The following CAMKMT variants were observed in gnomAD, a reference collection of about 807,000 sequenced individuals.
CAMKMT encodes CaM KMT.
Under a neutral mutation model 48.0 loss-of-function variants are expected in CAMKMT, and 53 were observed. The observed-to-expected ratio is 1.10, with a 90% CI of 0.89 to 1.39. The LOEUF (loss-of-function observed/expected upper bound fraction) is 1.39, where lower values mean the gene tolerates loss of function less well. CAMKMT is among the 40% of genes most tolerant of loss of function. The probability of loss-of-function intolerance (pLI) is 0.00; values close to 1 mark genes in which losing one functional copy is unlikely to be tolerated. For missense variants in CAMKMT, 428 were observed against 402.7 expected (o/e 1.06, Z -0.54); for synonymous variants, 165 against 152.3 (o/e 1.08, Z -0.61).
At chr2:44,369,516 A>G (rs77385685) in intron 1 of CAMKMT, among the ~76,000 whole-genome samples, 2,157 of 152,280 alleles carry the variant, frequency 0.014, 19 homozygotes, top group Non-Finnish European at 0.024. Flanking sequence ...GAAACAGTCT[A>G]AGAGTGAATC....
Position 44,609,103 on chromosome 2 carries a change from A to G in CAMKMT, c.377-95180A>G, listed in dbSNP as rs77617800. Reference sequence around the variant, plus strand: ...CCACTTGTTCCTAGACCTCAAAGAGAGATTAATTGAAAGACATATACTGTA... The same window carrying G: ...CCACTTGTTCCTAGACCTCAAAGAGGGATTAATTGAAAGACATATACTGTA... On this transcript the variant is annotated intron_variant, in intron 3 of 10. Transcript: ENST00000378494. 4.5e-4 allele frequency among the ~76,000 whole-genome samples: 69 copies of G among 152,316 alleles called. No homozygotes were observed. In the East Asian group the frequency reaches 0.011, roughly 23 times the overall value.
At chr2:44,473,778 G>A (rs912644939) in intron 3 of CAMKMT, among the ~76,000 whole-genome samples, 3 of 152,168 alleles carry the variant, frequency 2.0e-5, no homozygotes, top group Non-Finnish European at 2.9e-5. Flanking sequence ...CAGTTTATGC[G>A]GTGAGAATTC....
At chr2:44,632,575 T>C (rs541766269) in intron 3 of CAMKMT, among the ~76,000 whole-genome samples, 1 of 152,258 alleles carries the variant, frequency 6.6e-6, no homozygotes, top group South Asian at 2.1e-4. Flanking sequence ...CTAACAAAAA[T>C]CCCTAATACA....
At chr2:44,761,191 TGAG>T (rs1680601954) in intron 9 of CAMKMT, among the ~76,000 whole-genome samples, 1 of 152,122 alleles carries the variant, frequency 6.6e-6, no homozygotes. Context: ...ACCTGGGTGC[TGAG>T]GGATGAGTAA....
At chr2:44,412,930 G>T (rs1683307985) in intron 3 of CAMKMT, among the ~76,000 whole-genome samples, 2 of 151,608 alleles carry the variant, frequency 1.3e-5, no homozygotes, top group African/African-American at 4.8e-5. Context: ...ACAAAAATTA[G>T]CCAGGTGTGG....
chr2:44,523,292 CT>C (rs869152391), intron 3 of CAMKMT, among the ~76,000 whole-genome samples: 901 of 131,220 alleles, frequency 6.9e-3, no homozygotes, highest in African/African-American at 0.016. Context: ...AGGGGACCCA[CT>C]TTTTTTTTTT....
chr2:44,509,774 T>C (rs1670445058), intron 3 of CAMKMT, among the ~76,000 whole-genome samples: 1 of 152,106 alleles, frequency 6.6e-6, no homozygotes, highest in South Asian at 2.1e-4. Context: ...ATTGGTACCA[T>C]GAGAGCAAGT....
chr2:44,664,913 T>C (rs1674876433), intron 3 of CAMKMT, among the ~76,000 whole-genome samples: 1 of 152,344 alleles, frequency 6.6e-6, no homozygotes, highest in Middle Eastern at 3.4e-3. Context: ...TCACAGTGAT[T>C]CTCAGCTCTG....
In CAMKMT at chr2:44,630,058, A is replaced by G. The variant is rs551653517; in HGVS notation, c.377-74225A>G. 1.7e-3 allele frequency among the ~76,000 whole-genome samples: 253 copies of G among 151,512 alleles called. 1 individual carries two copies. Among genetic ancestry groups the G allele is most frequent in the African/African-American group, 5.9e-3 (242 of 41,250 alleles). On this transcript the variant is annotated intron_variant, in intron 3 of 10. Coordinates refer to ENST00000378494, the MANE Select transcript of CAMKMT (RefSeq NM_024766.5). Reference sequence around the variant, plus strand: ...GGTACCAAAACAGAGATATAGATCAATGGAACAGAACAGAGCCCTCAGAAA... The same window carrying G: ...GGTACCAAAACAGAGATATAGATCAGTGGAACAGAACAGAGCCCTCAGAAA...
chr2:44,384,892 T>A (rs1241098243), intron 2 of CAMKMT, among the ~76,000 whole-genome samples: 3 of 152,214 alleles, frequency 2.0e-5, no homozygotes, highest in Non-Finnish European at 4.4e-5. Flanking sequence ...GGCTTTATAG[T>A]ATAGTTGAAA....
chr2:44,587,600 C>T (rs1255660593), intron 3 of CAMKMT, among the ~76,000 whole-genome samples: 3 of 137,366 alleles, frequency 2.2e-5, no homozygotes, highest in South Asian at 2.5e-4. Flanking sequence ...CTCAGCCTGC[C>T]GAGTGCCTGC....
Position 44,657,076 on chromosome 2 carries a change from C to T in CAMKMT, c.377-47207C>T, listed in dbSNP as rs1210857778. ...TGTTTAACAGGTTGTTTCAGATATC[C>T]TTCAGATATCTGAGGATACAGGCAG... On this transcript the variant is annotated intron_variant, in intron 3 of 10. Coordinates refer to ENST00000378494, the MANE Select transcript of CAMKMT (RefSeq NM_024766.5). This position sits in a 1 kb window ranked among gnomAD's most constrained non-coding sequence, Gnocchi z 4.3. Among the ~76,000 whole-genome samples the T allele has an allele frequency of 1.3e-5, 2 of 152,150 alleles. No homozygotes were observed. Among genetic ancestry groups the T allele is most frequent in the Non-Finnish European group, 2.9e-5 (2 of 68,038 alleles).
chr2:44,384,632 T>G (rs1680597758), intron 2 of CAMKMT, among the ~76,000 whole-genome samples: 1 of 152,124 alleles, frequency 6.6e-6, no homozygotes, highest in African/African-American at 2.4e-5. Context: ...TAGATTTAAG[T>G]CCTCAATCCA....
intron 3 of CAMKMT, among the ~76,000 whole-genome samples, chr2:44,627,643 T>C (rs1292226252): frequency 6.6e-6 from 1 of 151,530 alleles, no homozygotes; most frequent in Non-Finnish European, 1.5e-5. Context: ...GTCTATTTCA[T>C]GTAATTTTCC....
intron 10 of CAMKMT, 145 bp from the exon 11 acceptor site, chr2:44,771,891 T>A: frequency 1.9e-5 from 9 of 482,964 alleles, no homozygotes; most frequent in East Asian, 8.3e-5. Context: ...CACTGAGAAC[T>A]ACTTTGAGTT....
intron 3 of CAMKMT, among the ~76,000 whole-genome samples, chr2:44,654,588 C>A (rs1674266899): frequency 6.6e-6 from 1 of 152,182 alleles, no homozygotes; most frequent in Non-Finnish European, 1.5e-5. Context: ...TCTTGGCTCA[C>A]TGCAACCTCC....
chr2:44,631,418 TAAAAA>T, intron 3 of CAMKMT: 1 of 540,322 alleles, frequency 1.9e-6, no homozygotes, highest in South Asian at 2.6e-5. Flanking sequence ...GTAATAATAA[TAAAAA>T]AGAAAGGAAA....
At chr2:44,760,014 T>C (rs962903652) in intron 9 of CAMKMT, among the ~76,000 whole-genome samples, 14 of 152,296 alleles carry the variant, frequency 9.2e-5, no homozygotes, top group Admixed American at 3.9e-4. Context: ...TGCTATCTGC[T>C]TGGCACTGAC....
rs570175363 is a variant in CAMKMT at position 44,609,542 on chromosome 2, A to G, written c.377-94741A>G. 2.6e-5 allele frequency among the ~76,000 whole-genome samples: 4 copies of G among 152,356 alleles called. No homozygotes were observed. The South Asian group carries it at 8.3e-4, about 32-fold the overall frequency. ...CCACATGTGAGTGGCATAGACTGCT[A>G]CAAGGAATATAAAGGCCATTTTAAT... On this transcript the variant is annotated intron_variant, in intron 3 of 10. Coordinates refer to ENST00000378494, the MANE Select transcript of CAMKMT (RefSeq NM_024766.5).
Sources: gnomAD v4.1 joint callset for allele counts (sites outside exome capture counted in the v4.1 genomes callset) on GRCh38, gnomAD v4.1.1 for gene constraint, Gnocchi (gnomAD v3.1) non-coding constraint, MANE v1.5 for transcripts, NCBI Gene and HGNC (gene_info 2026-07-23, HGNC 2026-07-21) for gene names.